The following MLLT3 variants were observed in gnomAD, a reference collection of about 807,000 sequenced individuals.
MLLT3 encodes the protein MLLT3 super elongation complex subunit.
Under a neutral mutation model 53.2 loss-of-function variants are expected in MLLT3, and 4 were observed. The observed-to-expected ratio is 0.08, with a 90% confidence interval of 0.04 to 0.17. The LOEUF is 0.17. Ranked by LOEUF, MLLT3 falls within the 10% of genes least tolerant of loss-of-function variation. The pLI is 1.00. For missense variants in MLLT3, 569 were observed against 684.0 expected (o/e 0.83, Z 1.87); for synonymous variants, 283 against 230.6 (o/e 1.23, Z -2.06).
Position 20,621,024 on chromosome 9 carries a change from G to A in MLLT3, c.13-190C>T. 1 of 734,200 alleles carries A rather than the reference G, an allele frequency of 1.4e-6. No individual in the cohort carries two copies. Among genetic ancestry groups the A allele is most frequent in the East Asian group, 2.7e-5 (1 of 37,140 alleles). 45.5% of individuals were successfully genotyped at this position (734,200 alleles called of 1,614,324 possible). On this transcript the variant is annotated intron_variant, in intron 1 of 10. Coordinates refer to ENST00000380338, the MANE Select transcript of MLLT3 (RefSeq NM_004529.4). This position sits in a 1 kb window ranked among gnomAD's most constrained non-coding sequence, Gnocchi z 7.0. Reference sequence around the variant, plus strand: ...ACCCCCAAATATACCCGCCCGCCCGGCCCGGCTTGGCCCCAGGCGCCCCGG... The same window carrying A: ...ACCCCCAAATATACCCGCCCGCCCGACCCGGCTTGGCCCCAGGCGCCCCGG...
intron 5 of MLLT3, among the ~76,000 whole-genome samples, chr9:20,388,480 C>T (rs1280799231): frequency 2.0e-5 from 3 of 151,908 alleles, no homozygotes; most frequent in Admixed American, 6.6e-5. Context: ...CCCAGCTACT[C>T]GGGAGGCTGA....
chr9:20,440,694 G>A (rs774652719), intron 4 of MLLT3, among the ~76,000 whole-genome samples: 7 of 152,044 alleles, frequency 4.6e-5, no homozygotes, highest in Non-Finnish European at 8.8e-5. Flanking sequence ...AAGCAAAGAC[G>A]AAATAGAGAA....
chr9:20,367,432 C>G (rs936163543), intron 5 of MLLT3, among the ~76,000 whole-genome samples: 6 of 152,146 alleles, frequency 3.9e-5, no homozygotes, highest in African/African-American at 1.4e-4. Context: ...TAGCATAATG[C>G]ATTGTATACA....
intron 2 of MLLT3, among the ~76,000 whole-genome samples, chr9:20,602,791 C>CACACACAA (rs1363214395): frequency 6.7e-6 from 1 of 149,534 alleles, no homozygotes; most frequent in Non-Finnish European, 1.5e-5. Context: ...CACACACACA[C>CACACACAA]ACACACAGCA....
intron 2 of MLLT3, among the ~76,000 whole-genome samples, chr9:20,602,172 C>T (rs1209743693): frequency 6.6e-6 from 1 of 152,148 alleles, no homozygotes; most frequent in Non-Finnish European, 1.5e-5. Flanking sequence ...ATGAGAACTT[C>T]TTCCCGCTAA....
intron 2 of MLLT3, among the ~76,000 whole-genome samples, chr9:20,490,432 C>A (rs1280579611): frequency 6.6e-6 from 1 of 152,222 alleles, no homozygotes; most frequent in Non-Finnish European, 1.5e-5. Context: ...TAAGGGCCCA[C>A]ATTCAAGGAC....
intron 5 of MLLT3, among the ~76,000 whole-genome samples, chr9:20,375,235 T>G (rs1212637006): frequency 6.6e-6 from 1 of 152,222 alleles, no homozygotes; most frequent in Non-Finnish European, 1.5e-5. Flanking sequence ...ACAGTAAGAT[T>G]AAGTGACCGG....
At chr9:20,349,767 C>T (rs1368813206) in intron 10 of MLLT3, among the ~76,000 whole-genome samples, 1 of 152,198 alleles carries the variant, frequency 6.6e-6, no homozygotes, top group Non-Finnish European at 1.5e-5. Context: ...CCATCACCAC[C>T]CGCTACCTCC....
chr9:20,589,917 G>A (rs1384292634), intron 2 of MLLT3, among the ~76,000 whole-genome samples: 1 of 151,972 alleles, frequency 6.6e-6, no homozygotes, highest in African/African-American at 2.4e-5. Context: ...CACCATCTTG[G>A]CCAGGCTGGC....
chr9:20,406,407 C>T (rs982707728), intron 5 of MLLT3, among the ~76,000 whole-genome samples: 3 of 152,120 alleles, frequency 2.0e-5, no homozygotes, highest in African/African-American at 2.4e-5. Flanking sequence ...TATTTTTAAG[C>T]GTTACTGAAC....
intron 2 of MLLT3, among the ~76,000 whole-genome samples, chr9:20,468,133 T>C (rs994277371): frequency 2.0e-5 from 3 of 152,236 alleles, no homozygotes; most frequent in Non-Finnish European, 4.4e-5. Flanking sequence ...AGGTTATCCA[T>C]GCTAGAAAGC....
intron 7 of MLLT3, among the ~76,000 whole-genome samples, chr9:20,362,293 C>T (rs528669361): frequency 6.6e-6 from 1 of 152,130 alleles, no homozygotes. Context: ...CACAGAATAT[C>T]CAGATATTCT....
chr9:20,567,304 TAA>T (rs35505450), intron 2 of MLLT3, among the ~76,000 whole-genome samples: 1,537 of 79,988 alleles, frequency 0.019, 38 homozygotes, highest in East Asian at 0.16. Flanking sequence ...CTATATTCAG[TAA>T]AAAAAAAAAA....
intron 2 of MLLT3, among the ~76,000 whole-genome samples, chr9:20,480,905 C>A (rs779559526): frequency 2.0e-5 from 3 of 152,032 alleles, no homozygotes; most frequent in Admixed American, 1.3e-4. Flanking sequence ...GTCAGAGGGA[C>A]CTTATTCAAA....
At chr9:20,392,688 A>C (rs1339570359) in intron 5 of MLLT3, among the ~76,000 whole-genome samples, 1 of 152,208 alleles carries the variant, frequency 6.6e-6, no homozygotes, top group Non-Finnish European at 1.5e-5. Context: ...TGGTGAACAC[A>C]GCTTCCATAT....
At chr9:20,485,200 G>T (rs371252588) in intron 2 of MLLT3, among the ~76,000 whole-genome samples, 1 of 152,036 alleles carries the variant, frequency 6.6e-6, no homozygotes, top group African/African-American at 2.4e-5. Context: ...TGTTAGGCAC[G>T]CTGGTCTTGA....
At chr9:20,350,764 A>G (rs953429314) in intron 10 of MLLT3, among the ~76,000 whole-genome samples, 2 of 152,126 alleles carry the variant, frequency 1.3e-5, no homozygotes. Context: ...AGGCTGTTGG[A>G]TGTCTCATTT....
Position 20,620,545 on chromosome 9 carries a change from G to A in MLLT3, c.193+109C>T. The A allele has an allele frequency of 2.0e-6, 2 of 992,504 alleles. No individual in the cohort carries two copies. The highest frequency in any genetic ancestry group is 1.7e-5 in the African/African-American group (1 of 58,294). 61.5% of individuals were successfully genotyped at this position (992,504 alleles called of 1,614,324 possible). A position where few individuals can be genotyped will look rare whatever the true frequency, so the allele number is the denominator to read the frequency against. On this transcript the variant is annotated intron_variant, in intron 2 of 10. Transcript: ENST00000380338. The surrounding 1 kb of genome is among the most constrained non-coding windows in gnomAD (Gnocchi z 6.1). ...CCGCGCACCCGGATCCCGAGGCTACGCCGGCGAGCGCGGCGCGGGGGGCGG... is the reference window on the plus strand; with the variant it reads ...CCGCGCACCCGGATCCCGAGGCTACACCGGCGAGCGCGGCGCGGGGGGCGG...
chr9:20,363,507 G>C lies in MLLT3; in HGVS notation c.1300C>G (p.Pro434Ala). The change falls in exon 7 of 11, where the codon CCT (proline) becomes GCT (alanine). Residue 434 changes from proline (P) to alanine (A), a missense_variant. Transcript: ENST00000380338. Reference sequence around the variant, plus strand: ...CTTCGGCTGCCTCCTCTATTTACAGGCCTCTCCATTTCAGAGTCATTGTCG... The same window carrying C: ...CTTCGGCTGCCTCCTCTATTTACAGCCCTCTCCATTTCAGAGTCATTGTCG... ...DNDNDSEMER[P>A]VNRGGSRSRR... The C allele has an allele frequency of 6.2e-7, 1 of 1,613,816 alleles. No individual in the cohort carries two copies. The highest frequency in any genetic ancestry group is 8.5e-7 in the Non-Finnish European group (1 of 1,179,868).
Sources: allele counts gnomAD v4.1 joint callset (sites outside exome capture counted in the v4.1 genomes callset), GRCh38; gene constraint gnomAD v4.1.1; non-coding constraint Gnocchi (gnomAD v3.1); transcripts MANE v1.5; gene names NCBI Gene and HGNC (gene_info 2026-07-23, HGNC 2026-07-21).